Variants in USP47 observed in about 807,000 individuals in gnomAD.
The protein encoded by USP47 is ubiquitin carboxyl-terminal hydrolase 47.
A neutral mutation model predicts 165.1 loss-of-function variants in USP47; 35 were observed. That is an observed-to-expected ratio of 0.21 (90% confidence interval 0.16 to 0.28). The LOEUF is 0.28. USP47 is among the 10% of genes least tolerant of loss of function. The probability of loss-of-function intolerance (pLI) is 1.00; values close to 1 mark genes in which losing one functional copy is unlikely to be tolerated. For synonymous variants in USP47, 531 were observed against 544.5 expected, an observed-to-expected ratio of 0.98 and a Z score of 0.35; for missense variants, 1,277 against 1,607.4, an observed-to-expected ratio of 0.79 and a Z score of 3.52.
chr11:11,910,736 C>A (rs1290586197), intron 8 of USP47, among the ~76,000 whole-genome samples: 1 of 152,108 alleles, frequency 6.6e-6, no homozygotes, highest in Non-Finnish European at 1.5e-5. Context: ...ACTTCTAATG[C>A]CATCTGGCAC....
intron 8 of USP47, among the ~76,000 whole-genome samples, chr11:11,910,880 T>G (rs1852924483): frequency 6.6e-6 from 1 of 152,052 alleles, no homozygotes; most frequent in Non-Finnish European, 1.5e-5. Context: ...AAATCTCAGT[T>G]TGAGTTAAAA....
intron 11 of USP47, among the ~76,000 whole-genome samples, chr11:11,925,208 C>T (rs1357675377): frequency 6.6e-6 from 1 of 151,488 alleles, no homozygotes; most frequent in Non-Finnish European, 1.5e-5. Flanking sequence ...CCCAAGTTCA[C>T]GCCATTCTCC....
At chr11:11,889,521 A>G (rs1851377368) in intron 3 of USP47, among the ~76,000 whole-genome samples, 1 of 152,214 alleles carries the variant, frequency 6.6e-6, no homozygotes. Context: ...GGACACCTTC[A>G]AGGAGAACTA....
At chr11:11,923,901 G>T (rs77431554) in intron 11 of USP47, among the ~76,000 whole-genome samples, 2,773 of 152,262 alleles carry the variant, frequency 0.018, 50 homozygotes, top group Non-Finnish European at 0.024. Context: ...GCAAACTATG[G>T]CTCAAGAGCC....
chr11:11,930,655 C>A (rs758709260), intron 13 of USP47, 41 bp from the exon 14 acceptor site: 6 of 1,419,072 alleles, frequency 4.2e-6, no homozygotes, highest in Non-Finnish European at 5.9e-6. Flanking sequence ...TCTTTTTAAT[C>A]TACTTTTTGT....
In USP47 at chr11:11,842,232, G is replaced by A. The variant is rs1490693100; in HGVS notation, c.39+8G>A. On this transcript the variant is annotated splice_region_variant and intron_variant, in intron 1 of 27. Coordinates refer to ENST00000527733, the MANE Select transcript of USP47 (RefSeq NM_001282659.2). ...CAACTGGTCCCGAAAGAGGTGAGGGGCCCCAGAGGAGGTTAGGCCTTAGGC... is the reference window on the plus strand; with the variant it reads ...CAACTGGTCCCGAAAGAGGTGAGGGACCCCAGAGGAGGTTAGGCCTTAGGC... The A allele has an allele frequency of 1.9e-6, 3 of 1,552,526 alleles. No homozygotes were observed. The highest frequency in any genetic ancestry group is 2.4e-5 in the East Asian group (1 of 41,248).
chr11:11,863,527 G>C (rs368618633), intron 1 of USP47, among the ~76,000 whole-genome samples: 1 of 152,082 alleles, frequency 6.6e-6, no homozygotes, highest in Non-Finnish European at 1.5e-5. Flanking sequence ...AGTAAACAAC[G>C]TGAATTTTAA....
At chr11:11,901,056 G>A (rs1298726866) in intron 5 of USP47, among the ~76,000 whole-genome samples, 2 of 152,164 alleles carry the variant, frequency 1.3e-5, no homozygotes, top group African/African-American at 4.8e-5. Context: ...GCAGAAGTAA[G>A]GTATTGAATA....
At chr11:11,929,933 A>G (rs1214685612) in intron 12 of USP47, 111 bp from the exon 13 acceptor site, 5 of 869,412 alleles carry the variant, frequency 5.8e-6, no homozygotes, top group Non-Finnish European at 7.3e-6. Flanking sequence ...GTGAGCAATC[A>G]TGAAGGTCTT....
chr11:11,940,628 C>T, intron 19 of USP47, 80 bp downstream of exon 19: 1 of 1,439,234 alleles, frequency 6.9e-7, no homozygotes, highest in South Asian at 1.2e-5. Context: ...TAAGCCTGGC[C>T]TCCACAGCTG....
At chr11:11,943,298 TATATC>T in intron 20 of USP47, 186 bp downstream of exon 20, 1 of 492,868 alleles carries the variant, frequency 2.0e-6, no homozygotes, top group Non-Finnish European at 3.4e-6. Context: ...AGATGGTAAT[TATATC>T]AGAACTCTGA....
intron 18 of USP47, 99 bp from the exon 19 acceptor site, chr11:11,940,329 CT>C (rs1302583421): frequency 1.6e-6 from 2 of 1,226,644 alleles, no homozygotes; most frequent in Non-Finnish European, 2.2e-6. Flanking sequence ...CTCTCTGCTG[CT>C]TTTAAGAAGA....
chr11:11,882,129 A>G (rs1850872794), intron 2 of USP47, among the ~76,000 whole-genome samples: 1 of 152,196 alleles, frequency 6.6e-6, no homozygotes, highest in Non-Finnish European at 1.5e-5. Context: ...CTTCTAGTTC[A>G]GTAACCATCA....
At chr11:11,907,829 C>T (rs1852672464) in intron 8 of USP47, among the ~76,000 whole-genome samples, 2 of 152,226 alleles carry the variant, frequency 1.3e-5, no homozygotes, top group African/African-American at 2.4e-5. Context: ...GGCATAGTGG[C>T]TCACACCTGT....
chr11:11,870,376 T>G (rs1385209119), intron 1 of USP47, among the ~76,000 whole-genome samples: 1 of 152,238 alleles, frequency 6.6e-6, no homozygotes, highest in Non-Finnish European at 1.5e-5. Context: ...TTACCTCAAC[T>G]GTCAAGTCTT....
At chr11:11,905,726 G>C (rs745320948) in intron 8 of USP47, among the ~76,000 whole-genome samples, 178 bp downstream of exon 8, 13 of 152,036 alleles carry the variant, frequency 8.6e-5, no homozygotes, top group Non-Finnish European at 1.9e-4. Flanking sequence ...AGTCCTAATA[G>C]TGCATGTATT....
chr11:11,861,631 A>G (rs2134195330), intron 1 of USP47, among the ~76,000 whole-genome samples: 1 of 152,314 alleles, frequency 6.6e-6, no homozygotes, highest in Admixed American at 6.5e-5. Context: ...TTCTAATTTT[A>G]ATATACTGTG....
chr11:11,856,514 C>T (rs1364362466), intron 1 of USP47: 1 of 151,882 alleles, frequency 6.6e-6, no homozygotes, highest in Admixed American at 6.6e-5. Flanking sequence ...GTGGGATATC[C>T]TTAGGCATAA....
rs760287937 is a variant in USP47 at position 11,948,517 on chromosome 11, T to C, written c.3307T>C (p.Tyr1103His). The C allele has an allele frequency of 1.9e-6, 3 of 1,613,044 alleles. No homozygotes were observed. The highest frequency in any genetic ancestry group is 2.2e-5 in the South Asian group (2 of 91,042). The change falls in exon 22 of 28, where the codon TAC (tyrosine) becomes CAC (histidine). Residue 1103 changes from tyrosine (Y) to histidine (H), a missense_variant. By Grantham distance (83) the Tyr-to-His change is moderately conservative. Around this residue, in one of 4 missense-constraint regions of USP47, gnomAD observed 909 missense variants for 1,068.1 expected, o/e 0.85. Transcript: ENST00000527733. The stretch of plus-strand genomic sequence containing the variant: ...GGGGAGAGCACTTAAAAAAGGAGAA[T>C]ACAGAGTTAAAGTATACCAGCTTTT... ...RLGRALKKGE[Y>H]RVKVYQLLVN...
Sources: allele counts gnomAD v4.1 joint callset (sites outside exome capture counted in the v4.1 genomes callset), GRCh38; gene constraint gnomAD v4.1.1; regional missense constraint gnomAD v4.1.1; transcripts MANE v1.5; gene names NCBI Gene and HGNC (gene_info 2026-07-23, HGNC 2026-07-21).